The following PTPRN2 variants were observed in gnomAD, a reference collection of about 807,000 sequenced individuals.
PTPRN2 encodes the protein protein tyrosine phosphatase receptor type N2.
PTPRN2 carries 74 observed loss-of-function variants against 118.8 expected under a neutral mutation model. The ratio of observed to expected loss-of-function variants is 0.62; its 90% confidence interval spans 0.52 to 0.76. PTPRN2 has a LOEUF of 0.76. Among genes scored for constraint, PTPRN2 ranks in the 30% least tolerant of loss-of-function variants. The pLI, the probability that PTPRN2 is intolerant of heterozygous loss-of-function variation, is 0.00. For missense variants in PTPRN2, 1,481 were observed against 1,394.4 expected (o/e 1.06, Z -0.99); for synonymous variants, 641 against 608.0 (o/e 1.05, Z -0.80).
chr7:158,027,157 A>G (rs1458484907), intron 11 of PTPRN2, among the ~76,000 whole-genome samples: 1 of 152,208 alleles, frequency 6.6e-6, no homozygotes, highest in Non-Finnish European at 1.5e-5. Context: ...GCCCAGCCAC[A>G]GCCAGGACTT....
intron 1 of PTPRN2, among the ~76,000 whole-genome samples, chr7:158,586,548 A>C (rs1486556151): frequency 1.3e-5 from 2 of 152,194 alleles, no homozygotes; most frequent in Non-Finnish European, 2.9e-5. Flanking sequence ...GCCTGGAAAC[A>C]TTGGCTTTAT....
At chr7:158,110,493 C>T (rs930663144) in intron 10 of PTPRN2, among the ~76,000 whole-genome samples, 6 of 152,156 alleles carry the variant, frequency 3.9e-5, no homozygotes, top group Admixed American at 6.5e-5. Context: ...ATGAACGCTG[C>T]ACAGTGTTCT....
At chr7:158,154,489 G>A (rs1039593893) in intron 6 of PTPRN2, among the ~76,000 whole-genome samples, 3 of 152,312 alleles carry the variant, frequency 2.0e-5, no homozygotes, top group Non-Finnish European at 4.4e-5. Context: ...TGGCTGCTAC[G>A]CATCCCTTTT....
At chr7:158,107,699 C>T (rs115660379) in intron 10 of PTPRN2, among the ~76,000 whole-genome samples, 2,061 of 152,282 alleles carry the variant, frequency 0.014, 52 homozygotes, top group African/African-American at 0.047. Flanking sequence ...TCAAATCCTG[C>T]TTCCCAGGCA....
At chr7:157,916,527 G>A (rs954945842) in intron 11 of PTPRN2, among the ~76,000 whole-genome samples, 4 of 152,254 alleles carry the variant, frequency 2.6e-5, no homozygotes, top group Non-Finnish European at 4.4e-5. Context: ...CTGGGAGCAG[G>A]TGAGTTCGAG....
At chr7:158,535,567 C>T (rs1169132169) in intron 1 of PTPRN2, among the ~76,000 whole-genome samples, 2 of 152,108 alleles carry the variant, frequency 1.3e-5, no homozygotes, top group African/African-American at 4.8e-5. Flanking sequence ...GGGGCTTTCT[C>T]TGGGGTCAGA....
At chr7:157,963,287 G>A (rs1003112509) in intron 11 of PTPRN2, among the ~76,000 whole-genome samples, 2 of 152,246 alleles carry the variant, frequency 1.3e-5, no homozygotes, top group African/African-American at 4.8e-5. Context: ...AAGACCAGAA[G>A]CAGAAAACTG....
intron 19 of PTPRN2, among the ~76,000 whole-genome samples, chr7:157,571,891 C>T (rs1393614902): frequency 7.4e-5 from 1 of 13,502 alleles, no homozygotes. Context: ...GCAATTTATG[C>T]TCAAAATTTC....
At chr7:158,234,386 G>A (rs1414839085) in intron 3 of PTPRN2, among the ~76,000 whole-genome samples, 2 of 151,496 alleles carry the variant, frequency 1.3e-5, no homozygotes. Flanking sequence ...ACATACAAAT[G>A]GCAAACAGAT....
At chr7:158,233,859 A>C (rs1829335409) in intron 3 of PTPRN2, among the ~76,000 whole-genome samples, 1 of 152,226 alleles carries the variant, frequency 6.6e-6, no homozygotes, top group African/African-American at 2.4e-5. Context: ...CACCAAGAGC[A>C]GATATTGGGG....
chr7:158,551,172 T>C (rs1357222272), intron 1 of PTPRN2, among the ~76,000 whole-genome samples: 1 of 152,208 alleles, frequency 6.6e-6, no homozygotes, highest in East Asian at 1.9e-4. Context: ...ACAGCTGGGC[T>C]CTGGTGAGGG....
rs541059182 is a variant in PTPRN2 at position 157,994,314 on chromosome 7, T to C, written c.1723+86984A>G. Among the ~76,000 whole-genome samples the C allele has an allele frequency of 6.8e-4, 103 of 152,290 alleles. 4 individuals carry two copies. The South Asian group carries it at 0.021, about 30-fold the overall frequency. On this transcript the variant is annotated intron_variant, in intron 11 of 22. Transcript: ENST00000389418. ...GAAGCAGCACAGCAAAGTTTCCTCA[T>C]ATTTCTCCTCTTAAAGCTGACAGAA...
chr7:157,945,628 GGACGATGCCGCCTCCAAGTCA>G (rs1188829038), intron 11 of PTPRN2, among the ~76,000 whole-genome samples: 35 of 151,768 alleles, frequency 2.3e-4, no homozygotes, highest in Non-Finnish European at 4.0e-4. Flanking sequence ...CCTCCAGCTT[GGACGATGCCGCCTCCAAGTCA>G]GACGATGCCG....
chr7:158,331,413 G>T (rs1205853011), intron 2 of PTPRN2, among the ~76,000 whole-genome samples: 1 of 88,472 alleles, frequency 1.1e-5, no homozygotes, highest in Non-Finnish European at 2.3e-5. Flanking sequence ...TAAGAGCTGA[G>T]GCCCACAGAG....
chr7:158,411,037 C>G (rs12532989), intron 2 of PTPRN2, among the ~76,000 whole-genome samples: 4,880 of 152,044 alleles, frequency 0.032, 89 homozygotes, highest in Non-Finnish European at 0.047. Flanking sequence ...TCCGGACAGG[C>G]TGGGCTGCCC....
chr7:157,882,536 G>A (rs1284001240), intron 12 of PTPRN2, among the ~76,000 whole-genome samples: 6 of 137,776 alleles, frequency 4.4e-5, no homozygotes, highest in Non-Finnish European at 9.3e-5. Context: ...ACCAGAACAT[G>A]CCACCCCAAA....
intron 13 of PTPRN2, among the ~76,000 whole-genome samples, chr7:157,658,296 G>A (rs780027382): frequency 1.3e-5 from 2 of 152,150 alleles, no homozygotes; most frequent in Non-Finnish European, 2.9e-5. Context: ...TCTTTCCAAA[G>A]CAATGTCCAA....
intron 1 of PTPRN2, among the ~76,000 whole-genome samples, chr7:158,575,731 G>C (rs1418770033): frequency 6.6e-6 from 1 of 152,154 alleles, no homozygotes; most frequent in Non-Finnish European, 1.5e-5. Context: ...AACTACATAA[G>C]TATCCAAATT....
chr7:157,571,572 G>A (rs932401897), intron 19 of PTPRN2, 79 bp from the exon 20 acceptor site: 51 of 1,082,526 alleles, frequency 4.7e-5, no homozygotes, highest in Middle Eastern at 4.1e-4. Flanking sequence ...AAAACAAAGC[G>A]CAAGGTCTGT....
Sources: gnomAD v4.1 joint callset for allele counts (sites outside exome capture counted in the v4.1 genomes callset) on GRCh38, gnomAD v4.1.1 for gene constraint, MANE v1.5 for transcripts, NCBI Gene and HGNC (gene_info 2026-07-23, HGNC 2026-07-21) for gene names.